Variants in ADAMTS16 observed in about 807,000 individuals in gnomAD.
ADAMTS16 encodes the protein ADAM metallopeptidase with thrombospondin type 1 motif 16.
A neutral mutation model predicts 145.8 loss-of-function variants in ADAMTS16; 94 were observed. That is an observed-to-expected ratio of 0.64 (90% CI 0.55 to 0.77). The LOEUF is 0.77. Ranked by LOEUF, ADAMTS16 falls within the 30% of genes least tolerant of loss-of-function variation. The pLI is 0.00. For missense variants in ADAMTS16, 1,585 were observed against 1,591.5 expected, an observed-to-expected ratio of 1.00 and a Z score of 0.07; for synonymous variants, 659 against 604.3, an observed-to-expected ratio of 1.09 and a Z score of -1.33.
At chr5:5,212,389 T>C (rs1736298581) in intron 10 of ADAMTS16, among the ~76,000 whole-genome samples, 1 of 152,058 alleles carries the variant, frequency 6.6e-6, no homozygotes, top group Admixed American at 6.6e-5. Flanking sequence ...TTTGTATTTT[T>C]AGTAGAGACG....
intron 17 of ADAMTS16, among the ~76,000 whole-genome samples, chr5:5,249,942 G>T (rs563434031): frequency 6.6e-6 from 1 of 152,222 alleles, no homozygotes; most frequent in South Asian, 2.1e-4. Flanking sequence ...GAGTCTGGCT[G>T]TCCCCAGCCA....
intron 10 of ADAMTS16, among the ~76,000 whole-genome samples, chr5:5,212,219 T>G (rs542001096): frequency 7.8e-4 from 108 of 138,040 alleles, no homozygotes; most frequent in Middle Eastern, 7.5e-3. Context: ...GTTTTGTTTT[T>G]TTTTTTGAGA....
intron 11 of ADAMTS16, among the ~76,000 whole-genome samples, chr5:5,229,239 A>G (rs1736854511): frequency 7.0e-6 from 1 of 142,282 alleles, no homozygotes; most frequent in African/African-American, 2.7e-5. Context: ...CGGAGCTTGC[A>G]GTGAGCCGAG....
intron 8 of ADAMTS16, among the ~76,000 whole-genome samples, chr5:5,199,924 A>G (rs1017876717): frequency 3.3e-5 from 5 of 152,204 alleles, no homozygotes; most frequent in African/African-American, 1.2e-4. Flanking sequence ...ACTTTGAGGC[A>G]ATTTGGTGGA....
intron 4 of ADAMTS16, among the ~76,000 whole-genome samples, chr5:5,184,370 C>T (rs1024945115): frequency 8.5e-5 from 13 of 152,106 alleles, no homozygotes; most frequent in Non-Finnish European, 1.3e-4. Flanking sequence ...CGCAGGGCCT[C>T]GTGTCACCTA....
In ADAMTS16 at chr5:5,239,143, C is replaced by A. The variant is rs757554394; in HGVS notation, c.2155-8C>A. Reference sequence around the variant, plus strand: ...CATGAATGACATGTGACCTCATGGGCCCTCCAGAGAGTTGGATGTGACAAT... The same window carrying A: ...CATGAATGACATGTGACCTCATGGGACCTCCAGAGAGTTGGATGTGACAAT... On this transcript the variant is annotated splice_region_variant and splice_polypyrimidine_tract_variant and intron_variant, in intron 14 of 22. Coordinates refer to ENST00000274181, the MANE Select transcript of ADAMTS16 (RefSeq NM_139056.4). 1 of 1,523,464 alleles carries A rather than the reference C, an allele frequency of 6.6e-7. No homozygotes were observed. Among genetic ancestry groups the A allele is most frequent in the Admixed American group, 2.2e-5 (1 of 45,812 alleles). The allele number at this position is 1,523,464 out of a possible 1,614,324, so 94.4% of individuals were successfully genotyped here.
At chr5:5,188,572 C>T (rs371059844) in intron 6 of ADAMTS16, among the ~76,000 whole-genome samples, 1 of 152,172 alleles carries the variant, frequency 6.6e-6, no homozygotes, top group Admixed American at 6.5e-5. Context: ...GGACAGGAGC[C>T]AAGAGCCCAG....
intron 17 of ADAMTS16, among the ~76,000 whole-genome samples, chr5:5,262,035 T>C (rs1018344325): frequency 4.5e-4 from 68 of 152,334 alleles, no homozygotes; most frequent in African/African-American, 1.6e-3. Context: ...TAAATTTAAT[T>C]AATTGAAATA....
chr5:5,239,565 A>C, intron 15 of ADAMTS16, 116 bp from the exon 16 acceptor site: 1 of 1,437,846 alleles, frequency 7.0e-7, no homozygotes, highest in Non-Finnish European at 9.5e-7. Context: ...ACACGTCTTC[A>C]CCCAGTTCCA....
rs1165099921 is a variant in ADAMTS16, at chr5:5,174,071, C to A, written c.502-7973C>A. 2.6e-5 allele frequency among the ~76,000 whole-genome samples: 4 copies of A among 152,114 alleles called. No individual in the cohort carries two copies. The East Asian group carries it at 7.7e-4, about 29-fold the overall frequency. On this transcript the variant is annotated intron_variant, in intron 3 of 22. Coordinates refer to ENST00000274181, the MANE Select transcript of ADAMTS16 (RefSeq NM_139056.4). ...CTACCTTCACATGATTTTTCTATTG[C>A]TCACTAATGTTCTTGTCTTTCAGAC...
rs745608775 is a variant in ADAMTS16 at position 5,239,774 on chromosome 5, C to T, written c.2372C>T (p.Ala791Val). ...VSTSYISVRN[A>V]LRRYYLNGHW... Reference sequence around the variant, plus strand: ...ACCTCCTACATTTCTGTGCGCAATGCCCTCAGAAGGTACTACCTGAATGGG... The same window carrying T: ...ACCTCCTACATTTCTGTGCGCAATGTCCTCAGAAGGTACTACCTGAATGGG... The change falls in exon 16 of 23, where the codon GCC becomes GTC. Residue 791 changes from alanine to valine, a missense_variant. Ala to Val is a moderately conservative substitution (Grantham distance 64). This residue lies in a region of ADAMTS16 where 834 missense variants were observed against 811.7 expected (regional missense o/e 1.03). Coordinates refer to ENST00000274181, the MANE Select transcript of ADAMTS16 (RefSeq NM_139056.4). 5.0e-6 allele frequency: 8 copies of T among 1,614,030 alleles called. No homozygotes were observed. The African/African-American group carries it at 6.7e-5, about 13-fold the overall frequency.
Position 5,199,746 on chromosome 5 carries a change from T to A in ADAMTS16, c.1314-386T>A, listed in dbSNP as rs1055214272. Among the ~76,000 whole-genome samples the A allele has an allele frequency of 2.0e-5, 3 of 152,318 alleles. No homozygotes were observed. The East Asian group carries it at 5.8e-4, about 29-fold the overall frequency. On this transcript the variant is annotated intron_variant, in intron 8 of 22. Transcript: ENST00000274181. ...AATTCCTGGGTAGAAGCCTGGCATC[T>A]ACATTTCTAACGAACACCCATGGAA...
chr5:5,256,696 C>T (rs937038785), intron 17 of ADAMTS16, among the ~76,000 whole-genome samples: 4 of 152,114 alleles, frequency 2.6e-5, no homozygotes, highest in Non-Finnish European at 4.4e-5. Context: ...GTTAAGAGAC[C>T]GTACCTTGTG....
intron 3 of ADAMTS16, among the ~76,000 whole-genome samples, chr5:5,147,312 A>G (rs910145548): frequency 6.6e-6 from 1 of 152,160 alleles, no homozygotes; most frequent in Non-Finnish European, 1.5e-5. Context: ...GAGGATGTTA[A>G]AGGTTTGGCC....
chr5:5,278,996 T>C (rs189984029), intron 18 of ADAMTS16, among the ~76,000 whole-genome samples: 2 of 152,268 alleles, frequency 1.3e-5, no homozygotes, highest in Admixed American at 1.3e-4. Flanking sequence ...GTAGGTAGAC[T>C]GAATAGAAAG....
intron 3 of ADAMTS16, among the ~76,000 whole-genome samples, chr5:5,151,886 AT>A (rs1734473271): frequency 6.6e-6 from 1 of 151,628 alleles, no homozygotes; most frequent in Admixed American, 6.6e-5. Context: ...ACTTCTCCCC[AT>A]TTTTTCCTCC....
Position 5,190,092 on chromosome 5 carries a change from A to T in ADAMTS16, c.1169A>T (p.Asp390Val). The change falls in exon 7 of 23, where the codon GAT becomes GTT. Residue 390 changes from aspartate to valine, a missense_variant. Coordinates refer to ENST00000274181, the MANE Select transcript of ADAMTS16 (RefSeq NM_139056.4). ...CACGCCATCTTACTGACTGGTCTGG[A>T]TATATGTTCCTGGAAGAATGAGCCC... ...HDHAILLTGLDICSWKNEPCD... is the reference protein window; with the variant it reads ...HDHAILLTGLVICSWKNEPCD... 6.2e-7 allele frequency: 1 copy of T among 1,608,416 alleles called. No individual in the cohort carries two copies. The highest frequency in any genetic ancestry group is 8.5e-7 in the Non-Finnish European group (1 of 1,177,514).
intron 8 of ADAMTS16, among the ~76,000 whole-genome samples, chr5:5,195,180 T>C (rs113972901): frequency 6.0e-4 from 65 of 108,418 alleles, no homozygotes; most frequent in Middle Eastern, 5.4e-3. Flanking sequence ...AACTGAGATA[T>C]GTGTTCTCCT....
intron 18 of ADAMTS16, among the ~76,000 whole-genome samples, chr5:5,291,320 G>A (rs1160065687): frequency 6.6e-6 from 1 of 152,050 alleles, no homozygotes; most frequent in East Asian, 1.9e-4. Flanking sequence ...ACAGGCTGAG[G>A]GACTGAATGT....
Sources: allele counts gnomAD v4.1 joint callset (sites outside exome capture counted in the v4.1 genomes callset), GRCh38; gene constraint gnomAD v4.1.1; regional missense constraint gnomAD v4.1.1; transcripts MANE v1.5; gene names NCBI Gene and HGNC (gene_info 2026-07-23, HGNC 2026-07-21).